The following RANBP2 variants were observed in gnomAD, a reference collection of about 807,000 sequenced individuals.
RANBP2 encodes RAN binding protein 2, also known as E3 SUMO-protein ligase RanBP2.
RANBP2 carries 57 observed loss-of-function variants against 303.6 expected under a neutral mutation model. The ratio of observed to expected loss-of-function variants is 0.19; its 90% CI spans 0.15 to 0.23. The LOEUF (loss-of-function observed/expected upper bound fraction) is 0.23. Ranked by LOEUF, RANBP2 falls within the 10% of genes least tolerant of loss-of-function variation. RANBP2 has a pLI of 1.00. For missense variants in RANBP2, 3,138 were observed against 3,780.8 expected (o/e 0.83, Z 4.46); for synonymous variants, 1,167 against 1,301.5 (o/e 0.90, Z 2.23).
At chr2:108,807,364 G>A in the RANBP2 span, among the ~76,000 whole-genome samples, 3 of 152,206 alleles carry the variant, frequency 2.0e-5, no homozygotes, top group East Asian at 5.8e-4. Context: ...GAACTCCATT[G>A]AATGGGGTTT....
At chr2:109,733,294 G>A in the RANBP2 span, among the ~76,000 whole-genome samples, 1 of 151,598 alleles carries the variant, frequency 6.6e-6, no homozygotes, top group Non-Finnish European at 1.5e-5. Flanking sequence ...AATCAATGTA[G>A]TACATCACAT....
At chr2:109,590,086 A>G in the RANBP2 span, among the ~76,000 whole-genome samples, 3 of 148,158 alleles carry the variant, frequency 2.0e-5, no homozygotes, top group Non-Finnish European at 4.5e-5. Context: ...ATATATGTAT[A>G]TATATACACA....
chr2:109,733,191 A>G, the RANBP2 span: 1 of 444,154 alleles, frequency 2.3e-6, no homozygotes. Context: ...AAAAAAAAAA[A>G]AAAAAGCTGA....
chr2:109,216,436 C>G, the RANBP2 span, among the ~76,000 whole-genome samples: 2 of 152,324 alleles, frequency 1.3e-5, no homozygotes, highest in African/African-American at 4.8e-5. Context: ...GAACCTGAGT[C>G]CAGGGGAGTT....
the RANBP2 span, among the ~76,000 whole-genome samples, chr2:109,647,585 C>T: frequency 1.4e-5 from 2 of 147,290 alleles, no homozygotes; most frequent in Non-Finnish European, 3.0e-5. Context: ...TCTCCTGCCC[C>T]AGCCTCCCTA....
At chr2:109,589,332 A>G in the RANBP2 span, among the ~76,000 whole-genome samples, 1 of 152,030 alleles carries the variant, frequency 6.6e-6, no homozygotes, top group Non-Finnish European at 1.5e-5. Flanking sequence ...CAGGAGTTTG[A>G]AACCAACCTG....
the RANBP2 span, among the ~76,000 whole-genome samples, chr2:109,295,334 T>TA: frequency 6.6e-5 from 10 of 152,308 alleles, no homozygotes; most frequent in East Asian, 1.9e-3. Context: ...TCAGAGAGGT[T>TA]AAACAATTGC....
chr2:109,524,365 G>A, the RANBP2 span, among the ~76,000 whole-genome samples: 53 of 150,424 alleles, frequency 3.5e-4, 1 homozygote, highest in South Asian at 1.9e-3. Flanking sequence ...TGTGAAAGCC[G>A]GAGTGAAGCA....
the RANBP2 span, among the ~76,000 whole-genome samples, chr2:109,480,502 A>G: frequency 6.6e-6 from 1 of 152,178 alleles, no homozygotes; most frequent in Non-Finnish European, 1.5e-5. Flanking sequence ...TGCCAAGGTC[A>G]TAGGGAGGTG....
the RANBP2 span, among the ~76,000 whole-genome samples, chr2:109,592,519 C>T: frequency 6.6e-6 from 1 of 151,066 alleles, no homozygotes; most frequent in East Asian, 2.0e-4. Context: ...GGCGCAGTGG[C>T]CTGTAATCCT....
chr2:109,318,081 C>G, the RANBP2 span, among the ~76,000 whole-genome samples: 1 of 145,608 alleles, frequency 6.9e-6, no homozygotes, highest in Non-Finnish European at 1.5e-5. Flanking sequence ...AAGCCATGAG[C>G]ACGCTGAATT....
the RANBP2 span, among the ~76,000 whole-genome samples, chr2:109,136,869 C>T: frequency 4.1e-4 from 63 of 152,194 alleles, no homozygotes; most frequent in South Asian, 3.3e-3. Flanking sequence ...GTGCTGCAGC[C>T]GGGCTCTCTG....
the RANBP2 span, among the ~76,000 whole-genome samples, chr2:109,422,970 C>T: frequency 1.3e-5 from 2 of 152,092 alleles, no homozygotes; most frequent in African/African-American, 4.8e-5. Flanking sequence ...GGGTCTGACT[C>T]GGTCCACGTA....
the RANBP2 span, among the ~76,000 whole-genome samples, chr2:109,599,886 A>G: frequency 6.6e-6 from 1 of 152,232 alleles, no homozygotes; most frequent in African/African-American, 2.4e-5. Context: ...TTTCAGTAAC[A>G]CTGCAATGAA....
At chr2:109,572,151 G>A in the RANBP2 span, among the ~76,000 whole-genome samples, 1 of 151,906 alleles carries the variant, frequency 6.6e-6, no homozygotes, top group Admixed American at 6.6e-5. Context: ...TGTTTTTTGA[G>A]ATGGAGTCTC....
At chr2:108,728,360 C>T (rs1158071084) in intron 1 of RANBP2, among the ~76,000 whole-genome samples, 1 of 152,142 alleles carries the variant, frequency 6.6e-6, no homozygotes, top group Non-Finnish European at 1.5e-5. Flanking sequence ...GTGTCACAGT[C>T]ATAACTCACG....
chr2:109,727,198 C>T, the RANBP2 span, among the ~76,000 whole-genome samples: 1 of 152,132 alleles, frequency 6.6e-6, no homozygotes, highest in Admixed American at 6.6e-5. Flanking sequence ...TGTTCTAATA[C>T]GTTAAGAAAA....
the RANBP2 span, among the ~76,000 whole-genome samples, chr2:108,838,947 G>A: frequency 2.0e-5 from 3 of 152,048 alleles, no homozygotes; most frequent in African/African-American, 7.2e-5. Context: ...CTTTGTGTAG[G>A]TTAATCTCCT....
At chr2:109,049,652 G>C in the RANBP2 span, among the ~76,000 whole-genome samples, 1 of 152,108 alleles carries the variant, frequency 6.6e-6, no homozygotes, top group Non-Finnish European at 1.5e-5. Context: ...TGATTAAATT[G>C]CTTTTCACAT....
Sources: gnomAD v4.1 joint callset for allele counts (sites outside exome capture counted in the v4.1 genomes callset) on GRCh38, gnomAD v4.1.1 for gene constraint, MANE v1.5 for transcripts, NCBI Gene and HGNC (gene_info 2026-07-23, HGNC 2026-07-21) for gene names.